Variants in MED13L observed in about 807,000 individuals in gnomAD.
MED13L encodes the protein mediator complex subunit 13L.
Under a neutral mutation model 220.9 loss-of-function variants are expected in MED13L, and 7 were observed. The ratio of observed to expected loss-of-function variants is 0.03; its 90% CI spans 0.02 to 0.06. The LOEUF is 0.06. Among genes scored for constraint, MED13L ranks in the 10% least tolerant of loss-of-function variants. The pLI is 1.00. For synonymous variants in MED13L, 1,011 were observed against 1,015.2 expected, an observed-to-expected ratio of 1.00 and a Z score of 0.08; for missense variants, 1,965 against 2,760.5, an observed-to-expected ratio of 0.71 and a Z score of 6.46.
chr12:116,033,268 T>C (rs1880967926), intron 4 of MED13L, among the ~76,000 whole-genome samples: 1 of 152,164 alleles, frequency 6.6e-6, no homozygotes, highest in Non-Finnish European at 1.5e-5. Flanking sequence ...TTCTGACTAA[T>C]AAACACCTGG....
At chr12:116,180,104 A>C (rs1880409918) in intron 2 of MED13L, among the ~76,000 whole-genome samples, 1 of 152,178 alleles carries the variant, frequency 6.6e-6, no homozygotes, top group East Asian at 1.9e-4. Flanking sequence ...AAAAGATTTC[A>C]CCTTTATCAC....
chr12:116,221,203 C>T (rs897282754), intron 2 of MED13L, among the ~76,000 whole-genome samples: 1 of 151,764 alleles, frequency 6.6e-6, no homozygotes, highest in Non-Finnish European at 1.5e-5. Flanking sequence ...AGTGAAACCC[C>T]ATCTCTATAA....
At chr12:116,179,533 C>A (rs938973426) in intron 2 of MED13L, among the ~76,000 whole-genome samples, 8 of 150,366 alleles carry the variant, frequency 5.3e-5, no homozygotes, top group Non-Finnish European at 1.2e-4. Context: ...CGGAGAAGCA[C>A]GTGAACCGAG....
intron 2 of MED13L, among the ~76,000 whole-genome samples, chr12:116,120,688 G>A (rs577073924): frequency 5.3e-5 from 8 of 151,420 alleles, no homozygotes; most frequent in African/African-American, 7.3e-5. Flanking sequence ...ATCTCTCCAC[G>A]GCATGCTGTC....
Position 116,216,983 on chromosome 12 carries a change from A to C in MED13L, c.310+20485T>G, listed in dbSNP as rs530784208. ...AAAAATCTGTTGTCCTCAAGGAAGA[A>C]AAAATTTTAATACTTTGACTTTTTT... is the stretch of plus-strand genomic sequence containing the variant. On this transcript the variant is annotated intron_variant, in intron 2 of 30. Transcript: ENST00000281928. Among the ~76,000 whole-genome samples the C allele has an allele frequency of 2.0e-5, 3 of 152,370 alleles. No individual in the cohort carries two copies. The East Asian group carries it at 5.8e-4, about 29-fold the overall frequency.
At chr12:116,177,747 A>ATTT (rs1355051916) in intron 2 of MED13L, among the ~76,000 whole-genome samples, 1 of 152,258 alleles carries the variant, frequency 6.6e-6, no homozygotes, top group Middle Eastern at 3.2e-3. Flanking sequence ...AAGGTAACAC[A>ATTT]TTAAAAGAGT....
chr12:116,032,343 T>C (rs1242234306), intron 4 of MED13L, among the ~76,000 whole-genome samples: 1 of 152,236 alleles, frequency 6.6e-6, no homozygotes, highest in South Asian at 2.1e-4. Context: ...CCTGCTAGTA[T>C]CACTATTTAT....
chr12:116,089,011 G>A (rs1402900947), intron 4 of MED13L, among the ~76,000 whole-genome samples: 1 of 151,900 alleles, frequency 6.6e-6, no homozygotes, highest in Non-Finnish European at 1.5e-5. Flanking sequence ...AGCAATTATT[G>A]TAAGCAGCTT....
At chr12:116,052,057 T>C (rs1241899424) in intron 4 of MED13L, among the ~76,000 whole-genome samples, 1 of 148,402 alleles carries the variant, frequency 6.7e-6, no homozygotes, top group Non-Finnish European at 1.5e-5. Flanking sequence ...TTAATGTTTA[T>C]TATGTACTTA....
intron 9 of MED13L, 121 bp from the exon 10 acceptor site, chr12:116,009,253 T>C (rs1879245374): frequency 2.2e-6 from 2 of 898,308 alleles, no homozygotes; most frequent in Admixed American, 2.5e-5. Context: ...TCTAAGTTTT[T>C]AATTATACTT....
intron 1 of MED13L, among the ~76,000 whole-genome samples, chr12:116,238,728 C>G (rs1159522441): frequency 6.6e-6 from 1 of 152,138 alleles, no homozygotes; most frequent in Non-Finnish European, 1.5e-5. Flanking sequence ...ATTAAAAGTG[C>G]TAAAGCAATC....
intron 2 of MED13L, among the ~76,000 whole-genome samples, chr12:116,149,903 TGAGG>T (rs1486174764): frequency 3.9e-5 from 6 of 152,216 alleles, no homozygotes; most frequent in African/African-American, 1.4e-4. Context: ...TTTAAAGGGC[TGAGG>T]AAGAAATGGA....
chr12:116,174,523 T>G (rs1879908824), intron 2 of MED13L: 1 of 152,030 alleles, frequency 6.6e-6, no homozygotes, highest in Admixed American at 6.6e-5. Context: ...AAAAAAGGTT[T>G]GGCTAAAGGA....
At chr12:116,073,278 A>G (rs1295684305) in intron 4 of MED13L, among the ~76,000 whole-genome samples, 1 of 152,188 alleles carries the variant, frequency 6.6e-6, no homozygotes, top group Non-Finnish European at 1.5e-5. Flanking sequence ...CTACTGAACT[A>G]GAAAAGGACA....
chr12:116,235,920 G>C (rs1246676962), intron 2 of MED13L, among the ~76,000 whole-genome samples: 1 of 151,974 alleles, frequency 6.6e-6, no homozygotes, highest in Non-Finnish European at 1.5e-5. Context: ...TTAATACAGA[G>C]AAACAGAAGA....
intron 4 of MED13L, among the ~76,000 whole-genome samples, chr12:116,069,078 G>A (rs1870177697): frequency 6.6e-6 from 1 of 152,148 alleles, no homozygotes; most frequent in South Asian, 2.1e-4. Flanking sequence ...ATTCAATGTG[G>A]ACATCTTCTC....
intron 2 of MED13L, among the ~76,000 whole-genome samples, chr12:116,116,200 C>T (rs1181778701): frequency 2.0e-5 from 3 of 152,094 alleles, no homozygotes; most frequent in African/African-American, 7.2e-5. Context: ...ATCATGTGAC[C>T]AGAGGGTTAG....
intron 5 of MED13L, among the ~76,000 whole-genome samples, chr12:116,020,928 G>C (rs892796980): frequency 9.2e-5 from 14 of 152,034 alleles, no homozygotes; most frequent in African/African-American, 3.1e-4. Context: ...AATCAAGAGA[G>C]AGACAGTTAT....
intron 4 of MED13L, among the ~76,000 whole-genome samples, chr12:116,032,118 T>C (rs545143753): frequency 6.6e-6 from 1 of 152,268 alleles, no homozygotes; most frequent in East Asian, 1.9e-4. Flanking sequence ...GTTTGAAGAA[T>C]ATAAAAGAAT....
Sources: allele counts gnomAD v4.1 joint callset (sites outside exome capture counted in the v4.1 genomes callset), GRCh38; gene constraint gnomAD v4.1.1; transcripts MANE v1.5; gene names NCBI Gene and HGNC (gene_info 2026-07-23, HGNC 2026-07-21).